PIGW: variants seen among roughly 807,000 people sequenced by gnomAD.
PIGW encodes the protein phosphatidylinositol glycan anchor biosynthesis class W, also known as glucosaminyl-phosphatidylinositol-acyltransferase PIGW.
A neutral mutation model predicts 34.0 loss-of-function variants in PIGW; 23 were observed. That is an observed-to-expected ratio of 0.68 (90% CI 0.49 to 0.96). PIGW has a LOEUF of 0.96. Among genes scored for constraint, PIGW ranks in the 40% least tolerant of loss-of-function variants. The pLI, the probability that PIGW is intolerant of heterozygous loss-of-function variation, is 0.00. For missense variants in PIGW, 574 were observed against 586.3 expected (o/e 0.98, Z 0.22); for synonymous variants, 225 against 225.2 (o/e 1.00, Z 0.01).
rs755776798 is a variant in PIGW at position 36,538,641 on chromosome 17, A to T, written c.*25A>T. ...ATCAGCAGGAGTAGGATATATAAGT[A>T]TTTGGGCAATATTTAATGAGGAATA... On this transcript the variant is annotated 3_prime_UTR_variant, in exon 2 of 2. Transcript: ENST00000614443. The T allele has an allele frequency of 2.7e-6, 4 of 1,491,634 alleles. No homozygotes were observed. Among genetic ancestry groups the T allele is most frequent in the Non-Finnish European group, 3.7e-6 (4 of 1,095,674 alleles). The allele number at this position is 1,491,634 out of a possible 1,614,324, so 92.4% of individuals were successfully genotyped here.
chr17:36,537,659 G>A lies in PIGW; in HGVS notation c.558G>A (p.Arg186=), dbSNP rs2074161105. 13 of 1,614,010 alleles carry A rather than the reference G, an allele frequency of 8.1e-6. No individual in the cohort carries two copies. The highest frequency in any genetic ancestry group is 1.1e-5 in the Non-Finnish European group (13 of 1,180,022). ...FGSAMVCLEV[R]RRKYMEGSKL... is the part of the protein sequence containing the mutation. ...CTGCAATGGTTTGTCTAGAGGTCAG[G>A]AGGAGAAAATATATGGAAGGGTCCA... Residue 186 remains arginine, a synonymous_variant, in exon 2 of 2, where the codon AGG becomes AGA. Transcript: ENST00000614443.
Position 36,538,157 on chromosome 17 carries a change from A to G in PIGW, c.1056A>G (p.Ile352Met), listed in dbSNP as rs1233033573. 1.2e-6 allele frequency: 2 copies of G among 1,613,968 alleles called. No individual in the cohort carries two copies. Among genetic ancestry groups the G allele is most frequent in the African/African-American group, 1.3e-5 (1 of 74,940 alleles). ...FLLLAAISLF[I>M]SLYVVQVNVE... ...TACTGGCAGCTATTAGCCTCTTCATATCTCTTTACGTAGTTCAAGTAAATG... is the reference window on the plus strand; with the variant it reads ...TACTGGCAGCTATTAGCCTCTTCATGTCTCTTTACGTAGTTCAAGTAAATG... Residue 352 changes from isoleucine to methionine, a missense_variant, in exon 2 of 2, where the codon ATA (isoleucine) becomes ATG (methionine). By Grantham distance (10) the Ile-to-Met change is conservative. Coordinates refer to ENST00000614443, the MANE Select transcript of PIGW (RefSeq NM_001346754.2).
intron 1 of PIGW, 129 bp from the exon 2 acceptor site, chr17:36,536,965 T>C (rs1443860777): frequency 2.8e-6 from 2 of 712,542 alleles, no homozygotes; most frequent in African/African-American, 1.8e-5. Flanking sequence ...TCACAAATCC[T>C]AGGTGAACTC....
In PIGW at chr17:36,535,566, C is replaced by T. The variant is rs918968662; in HGVS notation, c.-35C>T. On this transcript the variant is annotated 5_prime_UTR_variant, in exon 1 of 2. Transcript: ENST00000614443. ...CGGCTGCCCTTCCCACGTAGACCGT[C>T]TGCTGGGGGCGCCGGCACCATTTGG... 2 of 152,394 alleles carry T rather than the reference C, an allele frequency of 1.3e-5. No homozygotes were observed. The highest frequency in any genetic ancestry group is 4.8e-5 in the African/African-American group (2 of 41,594). The allele number at this position is 152,394 out of a possible 1,614,324, so 9.4% of individuals were successfully genotyped here. A position where few individuals can be genotyped will look rare whatever the true frequency, so the allele number is the denominator to read the frequency against.
intron 1 of PIGW, 27 bp from the exon 2 acceptor site, chr17:36,537,067 T>G: frequency 6.5e-7 from 1 of 1,530,424 alleles, no homozygotes; most frequent in Non-Finnish European, 8.8e-7. Context: ...TTTTCACAAA[T>G]CCATTCCTTT....
Position 36,538,113 on chromosome 17 carries a change from A to G in PIGW, c.1012A>G (p.Lys338Glu). ...CCGATCACATATCAAAGACTTGATA[A>G]AAGTAGCCTGTTTTCTTTTACTGGC... ...KNRSHIKDLI[K>E]VACFLLLAAI... is the part of the protein sequence containing the mutation. The change falls in exon 2 of 2, where the codon AAA becomes GAA. Residue 338 changes from lysine (K) to glutamate (E), a missense_variant. By Grantham distance (56) the Lys-to-Glu change is moderately conservative. Coordinates refer to ENST00000614443, the MANE Select transcript of PIGW (RefSeq NM_001346754.2). The G allele has an allele frequency of 6.2e-7, 1 of 1,614,230 alleles. No individual in the cohort carries two copies. Among genetic ancestry groups the G allele is most frequent in the East Asian group, 2.2e-5 (1 of 44,882 alleles).
Position 36,537,092 on chromosome 17 carries a change from A to G in PIGW, c.-8-2A>G. On this transcript the variant is annotated splice_acceptor_variant, in intron 1 of 1. Coordinates refer to ENST00000614443, the MANE Select transcript of PIGW (RefSeq NM_001346754.2). LOFTEE classifies it low-confidence loss of function (5UTR_SPLICE). Reference sequence around the variant, plus strand: ...TCCATTCCTTTGCTCTTGTTTTCACAGGAAGAAAAATGTCTGAAAAGCAGA... The same window carrying G: ...TCCATTCCTTTGCTCTTGTTTTCACGGGAAGAAAAATGTCTGAAAAGCAGA... 2 of 1,574,150 alleles carry G rather than the reference A, an allele frequency of 1.3e-6. No homozygotes were observed. Among genetic ancestry groups the G allele is most frequent in the South Asian group, 1.2e-5 (1 of 84,870 alleles).
chr17:36,537,653 G>T lies in PIGW; in HGVS notation c.552G>T (p.Glu184Asp), dbSNP rs1341324365. The part of the protein sequence containing the change: ...FVFGSAMVCL[E>D]VRRRKYMEGS... ...TTGGGTCTGCAATGGTTTGTCTAGA[G>T]GTCAGGAGGAGAAAATATATGGAAG... Residue 184 changes from glutamate to aspartate, a missense_variant, in exon 2 of 2, where the codon GAG becomes GAT. By Grantham distance (45) the Glu-to-Asp change is conservative. Coordinates refer to ENST00000614443, the MANE Select transcript of PIGW (RefSeq NM_001346754.2). 6.2e-7 allele frequency: 1 copy of T among 1,614,136 alleles called. No individual in the cohort carries two copies. Among genetic ancestry groups the T allele is most frequent in the East Asian group, 2.2e-5 (1 of 44,886 alleles).
chr17:36,538,186 A>G lies in PIGW; in HGVS notation c.1085A>G (p.Glu362Gly), dbSNP rs567863846. ...ISLYVVQVNV[E>G]AVSRRMANLA... is the part of the protein sequence containing the mutation. ...CTTTACGTAGTTCAAGTAAATGTAG[A>G]AGCAGTATCTCGAAGAATGGCAAAT... The change falls in exon 2 of 2, where the codon GAA (glutamate) becomes GGA (glycine). Residue 362 changes from glutamate (E) to glycine (G), a missense_variant. By Grantham distance (98) the Glu-to-Gly change is moderately conservative. Transcript: ENST00000614443. 6.2e-7 allele frequency: 1 copy of G among 1,613,746 alleles called. No homozygotes were observed. Among genetic ancestry groups the G allele is most frequent in the Non-Finnish European group, 8.5e-7 (1 of 1,180,028 alleles).
chr17:36,535,299 C>A lies in PIGW; in HGVS notation c.-302C>A, dbSNP rs2074073381. ...CTGAGGGGCCGTGTGAGGTGCATGGCGCGCCGTTTCCTCTCCAGGCGCTCC... is the reference window on the plus strand; with the variant it reads ...CTGAGGGGCCGTGTGAGGTGCATGGAGCGCCGTTTCCTCTCCAGGCGCTCC... On this transcript the variant is annotated 5_prime_UTR_variant, in exon 1 of 2. Transcript: ENST00000614443. 3 of 150,068 alleles carry A rather than the reference C, an allele frequency of 2.0e-5. No homozygotes were observed. The highest frequency in any genetic ancestry group is 2.9e-5 in the Non-Finnish European group (2 of 68,204). 9.3% of individuals were successfully genotyped at this position (150,068 alleles called of 1,614,324 possible).
rs2142618358 is a variant in PIGW at position 36,537,907 on chromosome 17, C to G, written c.806C>G (p.Thr269Ser). The G allele has an allele frequency of 6.2e-7, 1 of 1,614,056 alleles. No individual in the cohort carries two copies. Among genetic ancestry groups the G allele is most frequent in the Non-Finnish European group, 8.5e-7 (1 of 1,179,980 alleles). Residue 269 changes from threonine to serine, a missense_variant, in exon 2 of 2, where the codon ACT becomes AGT. Transcript: ENST00000614443. ...TCCTGGATTATTGCCCTCGGCATTACTGTATTATACCAGCTAGCCCTTGAC... is the reference window on the plus strand; with the variant it reads ...TCCTGGATTATTGCCCTCGGCATTAGTGTATTATACCAGCTAGCCCTTGAC... Reference protein sequence around the residue: ...NKSWIIALGITVLYQLALDFT... With the variant: ...NKSWIIALGISVLYQLALDFT...
chr17:36,537,566 A>C lies in PIGW; in HGVS notation c.465A>C (p.Arg155Ser), dbSNP rs2142616280. The C allele has an allele frequency of 1.2e-6, 2 of 1,613,978 alleles. No homozygotes were observed. Reference protein sequence around the residue: ...LAVDFPLFPRRFAKTELYGTG... With the variant: ...LAVDFPLFPRSFAKTELYGTG... ...TGGACTTCCCACTTTTTCCCAGAAG[A>C]TTTGCCAAAACTGAGCTCTATGGGA... Residue 155 changes from arginine (R) to serine (S), a missense_variant, in exon 2 of 2, where the codon AGA (arginine) becomes AGC (serine). Coordinates refer to ENST00000614443, the MANE Select transcript of PIGW (RefSeq NM_001346754.2).
intron 1 of PIGW, among the ~76,000 whole-genome samples, chr17:36,536,468 C>A (rs1259049608): frequency 6.6e-6 from 1 of 152,038 alleles, no homozygotes; most frequent in African/African-American, 2.4e-5. Flanking sequence ...GCCTATGATG[C>A]CATTCTCAGA....
intron 1 of PIGW, among the ~76,000 whole-genome samples, chr17:36,535,826 CTTT>C (rs77584694): frequency 1.4e-5 from 2 of 143,702 alleles, no homozygotes. Flanking sequence ...TTTAATTTTT[CTTT>C]TTTTTTTTTT....
rs1450452511 is a variant in PIGW, at chr17:36,538,552, T to TATA, written c.1451_1452insATA (p.Met484delinsIleTer). The TATA allele has an allele frequency of 6.2e-7, 1 of 1,613,750 alleles. No individual in the cohort carries two copies. The highest frequency in any genetic ancestry group is 8.5e-7 in the Non-Finnish European group (1 of 1,179,788). ...GCCTTATTTGTGGTCAATCTCTATA[T>TATA]GTTTTCCAACTGTTTAATTGTATAT... On this transcript the variant is annotated stop_gained and protein_altering_variant, in exon 2 of 2. Transcript: ENST00000614443. LOFTEE classifies it high-confidence loss of function.
rs2074150928 is a variant in PIGW at position 36,537,130 on chromosome 17, T to C, written c.29T>C (p.Phe10Ser). 1 of 1,598,756 alleles carries C rather than the reference T, an allele frequency of 6.3e-7. No individual in the cohort carries two copies. The highest frequency in any genetic ancestry group is 1.4e-5 in the African/African-American group (1 of 73,976). The change falls in exon 2 of 2, where the codon TTT (phenylalanine) becomes TCT (serine). Residue 10 changes from phenylalanine (F) to serine (S), a missense_variant. Physicochemically the swap from Phe to Ser is radical, Grantham distance 155. Transcript: ENST00000614443. The part of the protein sequence containing the change: MSEKQMKEA[F>S]VSNLNGTTVL... The stretch of plus-strand genomic sequence containing the variant: ...TCTGAAAAGCAGATGAAGGAAGCTT[T>C]TGTCAGTAACCTCAATGGAACCACC...
intron 1 of PIGW, 134 bp from the exon 2 acceptor site, chr17:36,536,960 A>C (rs1338161540): frequency 1.4e-6 from 1 of 690,648 alleles, no homozygotes; most frequent in Non-Finnish European, 2.4e-6. Flanking sequence ...GGGAATCACA[A>C]ATCCTAGGTG....
rs372135184 is a variant in PIGW, at chr17:36,538,605, C to T, written c.1504C>T (p.Gln502Ter). Residue 502 changes from glutamine (Q) to a stop codon, truncating the protein, a stop_gained, in exon 2 of 2, where the codon CAA becomes TAA. Coordinates refer to ENST00000614443, the MANE Select transcript of PIGW (RefSeq NM_001346754.2). LOFTEE classifies it high-confidence loss of function. Reference sequence around the variant, plus strand: ...ACTATATTTGCAAGATAAGACTGTACAATTTTGGTGATCAGCAGGAGTAGG... The same window carrying T: ...ACTATATTTGCAAGATAAGACTGTATAATTTTGGTGATCAGCAGGAGTAGG... ...YVLYLQDKTV[Q>*]FW 5 of 1,593,218 alleles carry T rather than the reference C, an allele frequency of 3.1e-6. No homozygotes were observed. Among genetic ancestry groups the T allele is most frequent in the Non-Finnish European group, 3.4e-6 (4 of 1,167,992 alleles).
rs748068199 is a variant in PIGW at position 36,537,254 on chromosome 17, T to C, written c.153T>C (p.Pro51=). 13 of 1,614,036 alleles carry C rather than the reference T, an allele frequency of 8.1e-6. No homozygotes were observed. The highest frequency in any genetic ancestry group is 5.5e-5 in the South Asian group (5 of 91,092). Reference sequence around the variant, plus strand: ...CACAGTACTTGTGTTCTTTTTCACCTACCTGGAAAACTAGATTCCTCACTG... The same window carrying C: ...CACAGTACTTGTGTTCTTTTTCACCCACCTGGAAAACTAGATTCCTCACTG... ...IFSQYLCSFS[P]TWKTRFLTDF... is the part of the protein sequence containing the mutation. The change falls in exon 2 of 2, where the codon CCT becomes CCC. Residue 51 remains proline (P), a synonymous_variant. Transcript: ENST00000614443.
Sources: allele counts gnomAD v4.1 joint callset (sites outside exome capture counted in the v4.1 genomes callset), GRCh38; gene constraint gnomAD v4.1.1; transcripts MANE v1.5; gene names NCBI Gene and HGNC (gene_info 2026-07-23, HGNC 2026-07-21).